ARHGAP24: variants seen among roughly 807,000 people sequenced by gnomAD.
The protein encoded by ARHGAP24 is rho GTPase-activating protein 24.
ARHGAP24 carries 50 observed loss-of-function variants against 76.4 expected under a neutral mutation model. The observed-to-expected ratio is 0.65, with a 90% CI of 0.52 to 0.83. ARHGAP24 has a LOEUF of 0.83. Among genes scored for constraint, ARHGAP24 ranks in the 40% least tolerant of loss-of-function variants. The pLI is 0.00. For synonymous variants in ARHGAP24, 345 were observed against 323.3 expected (o/e 1.07, Z -0.72); for missense variants, 930 against 914.2 (o/e 1.02, Z -0.22).
chr4:85,584,980 A>C (rs1727786313), intron 2 of ARHGAP24, among the ~76,000 whole-genome samples: 1 of 152,194 alleles, frequency 6.6e-6, no homozygotes, highest in African/African-American at 2.4e-5. Flanking sequence ...TACTAAGAAT[A>C]CTCAAAGAGT....
At chr4:85,920,032 A>G (rs546206997) in intron 3 of ARHGAP24, among the ~76,000 whole-genome samples, 11 of 152,314 alleles carry the variant, frequency 7.2e-5, no homozygotes, top group Admixed American at 2.0e-4. Flanking sequence ...TGCGGTATGT[A>G]ATTTTAATGT....
intron 2 of ARHGAP24, among the ~76,000 whole-genome samples, chr4:85,673,417 T>C (rs1479114206): frequency 6.6e-6 from 1 of 152,114 alleles, no homozygotes; most frequent in East Asian, 1.9e-4. Context: ...ATGATATCTT[T>C]CAACCACTCC....
chr4:85,824,551 C>G (rs1729623161), intron 3 of ARHGAP24, among the ~76,000 whole-genome samples: 1 of 152,000 alleles, frequency 6.6e-6, no homozygotes, highest in Non-Finnish European at 1.5e-5. Context: ...AATAGAAAAC[C>G]AAAACATCTT....
rs960092873 is a variant in ARHGAP24, at chr4:85,871,336, A to T, written c.269-52312A>T. Among the ~76,000 whole-genome samples, 4 of 152,194 alleles carry T rather than the reference A, an allele frequency of 2.6e-5. No homozygotes were observed. In the East Asian group the frequency reaches 7.7e-4, roughly 29 times the overall value. ...ATTAATAATTTATGAAAGCTGGCAA[A>T]TACAAACATCAAAAAGATCCAGAAA... On this transcript the variant is annotated intron_variant, in intron 3 of 9. Transcript: ENST00000395184.
chr4:85,570,372 TTCTTTCTTTCTTTCTTTCTTTCTTTC>T, intron 1 of ARHGAP24, 124 bp from the exon 2 acceptor site: 4 of 5,944 alleles, frequency 6.7e-4, no homozygotes, highest in South Asian at 5.4e-3. Flanking sequence ...TTCTCTTTCT[TTCTTTCTTTCTTTCTTTCTTTCTTTC>T]TTTCTTTCTT....
chr4:85,914,570 A>G (rs1016968182), intron 3 of ARHGAP24, among the ~76,000 whole-genome samples: 2 of 152,216 alleles, frequency 1.3e-5, no homozygotes, highest in African/African-American at 4.8e-5. Flanking sequence ...ATAAAGTTCA[A>G]TATAATTTCA....
chr4:85,634,356 G>T (rs937836724), intron 2 of ARHGAP24, among the ~76,000 whole-genome samples: 1 of 151,802 alleles, frequency 6.6e-6, no homozygotes, highest in Non-Finnish European at 1.5e-5. Context: ...TTAAGATCAT[G>T]ATAATAACAA....
At chr4:85,800,550 G>A (rs181020495) in intron 3 of ARHGAP24, among the ~76,000 whole-genome samples, 62 of 151,934 alleles carry the variant, frequency 4.1e-4, no homozygotes, top group African/African-American at 1.4e-3. Context: ...AGGGAAGGAA[G>A]AGGAAGAAGA....
chr4:85,583,507 A>AT (rs1727699338), intron 2 of ARHGAP24, among the ~76,000 whole-genome samples: 1 of 152,146 alleles, frequency 6.6e-6, no homozygotes. Flanking sequence ...AAACCTAGGC[A>AT]TTACCATTCA....
intron 1 of ARHGAP24, among the ~76,000 whole-genome samples, chr4:85,536,638 A>T (rs1560523938): frequency 6.6e-6 from 1 of 152,208 alleles, no homozygotes; most frequent in Non-Finnish European, 1.5e-5. Flanking sequence ...GTGTTCAGAC[A>T]ACAAAAATTA....
chr4:85,916,105 C>T (rs1320995967), intron 3 of ARHGAP24, among the ~76,000 whole-genome samples: 6 of 152,062 alleles, frequency 3.9e-5, no homozygotes, highest in African/African-American at 2.4e-5. Flanking sequence ...TTTTAATGAT[C>T]GCCATTCTAA....
chr4:85,526,238 C>T (rs1040244645), intron 1 of ARHGAP24, among the ~76,000 whole-genome samples: 5 of 151,640 alleles, frequency 3.3e-5, no homozygotes, highest in Non-Finnish European at 7.4e-5. Context: ...GGCAAAACTC[C>T]GTCTCTATAA....
intron 4 of ARHGAP24, among the ~76,000 whole-genome samples, chr4:85,940,596 G>A (rs1480050384): frequency 6.6e-6 from 1 of 152,062 alleles, no homozygotes; most frequent in East Asian, 1.9e-4. Context: ...AGTGTCTGTT[G>A]GAGTTAGTGA....
At chr4:85,560,205 A>G (rs1326307553) in intron 1 of ARHGAP24, among the ~76,000 whole-genome samples, 1 of 151,968 alleles carries the variant, frequency 6.6e-6, no homozygotes, top group Admixed American at 6.6e-5. Flanking sequence ...TTTGTCCTTC[A>G]GATATCACTG....
rs1210109366 is a variant in ARHGAP24, at chr4:85,733,060, CTTT to C, written c.268+11107_268+11109del. 2.5e-4 allele frequency among the ~76,000 whole-genome samples: 14 copies of C among 55,216 alleles called. 1 individual carries two copies. The highest frequency in any genetic ancestry group is 1.2e-3 in the South Asian group (1 of 868). The allele number at this position is 55,216 out of a possible 152,430, so 36.2% of individuals were successfully genotyped here. On this transcript the variant is annotated intron_variant, in intron 3 of 9. Transcript: ENST00000395184. ...CTATAGATCTTATAGGCCTCACCAA[CTTT>C]TTTTTTTTTTTTTTTTTTGAGATGG...
intron 3 of ARHGAP24, among the ~76,000 whole-genome samples, chr4:85,801,021 G>A (rs1016919295): frequency 6.6e-6 from 1 of 152,148 alleles, no homozygotes; most frequent in Non-Finnish European, 1.5e-5. Context: ...ACAAAGCTTG[G>A]TACGGCTCTA....
At chr4:85,523,050 G>A (rs1196092429) in intron 1 of ARHGAP24, among the ~76,000 whole-genome samples, 1 of 152,182 alleles carries the variant, frequency 6.6e-6, no homozygotes, top group African/African-American at 2.4e-5. Flanking sequence ...AGGTGGCTCT[G>A]CCAGTCTTGG....
intron 1 of ARHGAP24, among the ~76,000 whole-genome samples, chr4:85,513,530 C>T (rs960245127): frequency 4.6e-5 from 7 of 151,492 alleles, no homozygotes. Context: ...TGCCTAAACA[C>T]TCTCCACTTA....
At chr4:85,880,548 T>A (rs986641663) in intron 3 of ARHGAP24, among the ~76,000 whole-genome samples, 2 of 148,136 alleles carry the variant, frequency 1.4e-5, no homozygotes, top group African/African-American at 2.5e-5. Context: ...TGTGTGTGTG[T>A]GACGGAGTCT....
Sources: allele counts gnomAD v4.1 joint callset (sites outside exome capture counted in the v4.1 genomes callset), GRCh38; gene constraint gnomAD v4.1.1; transcripts MANE v1.5; gene names NCBI Gene and HGNC (gene_info 2026-07-23, HGNC 2026-07-21).